MAMLD1: variants seen among roughly 807,000 people sequenced by gnomAD.
MAMLD1 encodes mastermind like domain containing 1, also known as mastermind-like domain-containing protein 1.
Under a neutral mutation model 45.0 loss-of-function variants are expected in MAMLD1, and 14 were observed. The observed-to-expected ratio is 0.31, with a 90% CI of 0.21 to 0.49. The LOEUF is 0.49. Ranked by LOEUF, MAMLD1 falls within the 20% of genes least tolerant of loss-of-function variation. The pLI, the probability that MAMLD1 is intolerant of heterozygous loss-of-function variation, is 0.99. For synonymous variants in MAMLD1, 254 were observed against 247.8 expected, an observed-to-expected ratio of 1.02 and a Z score of -0.24; for missense variants, 543 against 603.6, an observed-to-expected ratio of 0.90 and a Z score of 1.05.
chrX:150,427,617 A>T (rs1234199080), intron 1 of MAMLD1, among the ~76,000 whole-genome samples: 4 of 111,485 alleles, frequency 3.6e-5, no homozygotes, highest in African/African-American at 1.3e-4. Context: ...AGCTATTAGG[A>T]TGAGGGACAG....
At chrX:150,495,831 T>C (rs2037359057) in intron 5 of MAMLD1, among the ~76,000 whole-genome samples, 2 of 112,560 alleles carry the variant, frequency 1.8e-5, no homozygotes, top group Non-Finnish European at 3.8e-5. Flanking sequence ...GATTCTGCCG[T>C]ATAGACCACG....
intron 1 of MAMLD1, among the ~76,000 whole-genome samples, chrX:150,416,675 T>A (rs910147733): frequency 8.9e-6 from 1 of 112,580 alleles, no homozygotes; most frequent in African/African-American, 3.2e-5. Context: ...TGTTGCCAAC[T>A]CACAATAGAT....
At chrX:150,480,930 T>C (rs782045433) in intron 5 of MAMLD1, among the ~76,000 whole-genome samples, 5 of 112,573 alleles carry the variant, frequency 4.4e-5, no homozygotes, top group South Asian at 3.7e-4. Flanking sequence ...CGGCCAGCTT[T>C]TTCCCCTGTA....
chrX:150,423,386 T>TGTTTGTGTG (rs2034590514), intron 1 of MAMLD1, among the ~76,000 whole-genome samples: 1 of 96,886 alleles, frequency 1.0e-5, no homozygotes, highest in South Asian at 4.7e-4. Context: ...GTGTGTGTGT[T>TGTTTGTGTG]TGCACCTTTG....
intron 1 of MAMLD1, among the ~76,000 whole-genome samples, chrX:150,390,109 A>T (rs2033112851): frequency 9.0e-6 from 1 of 111,404 alleles, no homozygotes; most frequent in African/African-American, 3.3e-5. Context: ...CTGTGTTACC[A>T]GGCTGGAGTG....
chrX:150,430,019 C>CT (rs1174092962), intron 1 of MAMLD1, among the ~76,000 whole-genome samples: 14,330 of 48,628 alleles, frequency 0.29, 3,059 homozygotes, highest in East Asian at 0.55. Flanking sequence ...TCTTTCTTTT[C>CT]TTTTTTTTTT....
chrX:150,384,161 T>C (rs1175925054), intron 1 of MAMLD1, among the ~76,000 whole-genome samples: 2 of 112,152 alleles, frequency 1.8e-5, no homozygotes, highest in African/African-American at 6.5e-5. Context: ...ATATGGTAAC[T>C]CTATGTTTAG....
intron 1 of MAMLD1, among the ~76,000 whole-genome samples, chrX:150,365,262 C>A (rs1238785533): frequency 8.9e-6 from 1 of 112,200 alleles, no homozygotes; most frequent in African/African-American, 3.2e-5. Context: ...GACAGGAGGG[C>A]AAGTGTAGGC....
At chrX:150,461,666 A>C (rs1367184726) in intron 2 of MAMLD1, among the ~76,000 whole-genome samples, 1 of 111,627 alleles carries the variant, frequency 9.0e-6, no homozygotes, top group African/African-American at 3.3e-5. Context: ...CCCTTGCTGA[A>C]GTGCTGCATG....
At chrX:150,407,185 G>T (rs2034019861) in intron 1 of MAMLD1, among the ~76,000 whole-genome samples, 2 of 111,987 alleles carry the variant, frequency 1.8e-5, no homozygotes, top group African/African-American at 6.5e-5. Flanking sequence ...GATCAAAATA[G>T]TTATTAACAT....
intron 1 of MAMLD1, among the ~76,000 whole-genome samples, chrX:150,396,391 C>A (rs1318553389): frequency 9.1e-6 from 1 of 110,396 alleles, no homozygotes; most frequent in Non-Finnish European, 1.9e-5. Flanking sequence ...GTTGTGTTTT[C>A]ATTTTCTTCA....
rs1557409354 is a variant in MAMLD1 at position 150,513,561 on chromosome X, A to G, written c.*1602A>G. 1.7e-5 allele frequency: 5 copies of G among 297,073 alleles called. No individual in the cohort carries two copies. Among genetic ancestry groups the G allele is most frequent in the African/African-American group, 1.4e-4 (5 of 36,510 alleles). The allele number at this position is 297,073 out of a possible 1,213,427, so 24.5% of individuals were successfully genotyped here. On this transcript the variant is annotated 3_prime_UTR_variant, in exon 8 of 8. Transcript: ENST00000370401. ...CACTTGGCCATTTATTTCTATGTTC[A>G]CTAAAAATCCTATTGCCTTGTGTGA...
At position 150,513,727 on chromosome X, in the gene MAMLD1, C is replaced by T. The variant is rs902254909; in HGVS notation, c.*1768C>T. 4 of 295,403 alleles carry T rather than the reference C, an allele frequency of 1.4e-5. No homozygotes were observed. Among genetic ancestry groups the T allele is most frequent in the Admixed American group, 6.2e-5 (1 of 16,156 alleles). 24.3% of individuals were successfully genotyped at this position (295,403 alleles called of 1,213,427 possible). ...GAGAGTTCTCCAGATTTGGGAGAGG[C>T]GCAGAGACAGTGTGTGAGCCGAGCC... is the stretch of plus-strand genomic sequence containing the variant. On this transcript the variant is annotated 3_prime_UTR_variant, in exon 8 of 8. Transcript: ENST00000370401.
chrX:150,389,739 C>T (rs2033093794), intron 1 of MAMLD1, among the ~76,000 whole-genome samples: 1 of 112,036 alleles, frequency 8.9e-6, no homozygotes, highest in South Asian at 3.7e-4. Context: ...CTGAAGTACC[C>T]AGCTATAATT....
Position 150,512,045 on chromosome X carries a change from G to T in MAMLD1, c.*86G>T, listed in dbSNP as rs1016168572. 12 of 1,113,898 alleles carry T rather than the reference G, an allele frequency of 1.1e-5. No homozygotes were observed. The highest frequency in any genetic ancestry group is 1.0e-4 in the East Asian group (3 of 29,964). 91.8% of individuals were successfully genotyped at this position (1,113,898 alleles called of 1,213,427 possible). ...CACCTCCAAGTGTAGCCGGATCAAG[G>T]CAAGCCCCCCATCTAGCAAGCACTT... On this transcript the variant is annotated 3_prime_UTR_variant, in exon 8 of 8. Transcript: ENST00000370401.
chrX:150,403,960 G>GAAAGAAAGAAAGAA (rs2033910243), intron 1 of MAMLD1, among the ~76,000 whole-genome samples: 5 of 81,023 alleles, frequency 6.2e-5, no homozygotes, highest in African/African-American at 2.7e-4. Flanking sequence ...AAGAAAGAAA[G>GAAAGAAAGAAAGAA]AAAGAAAGAA....
chrX:150,375,777 C>T (rs1430381742), intron 1 of MAMLD1, among the ~76,000 whole-genome samples: 2 of 112,010 alleles, frequency 1.8e-5, no homozygotes, highest in African/African-American at 6.5e-5. Context: ...AGCATCTCAC[C>T]CTTAATTTCA....
At chrX:150,362,936 C>T (rs1012960823), upstream of MAMLD1, 4 of 113,176 alleles carry the variant, frequency 3.5e-5, no homozygotes, top group African/African-American at 1.3e-4. Context: ...CCCAGCTGCC[C>T]TGGTTCGAGC....
intron 1 of MAMLD1, among the ~76,000 whole-genome samples, chrX:150,371,110 C>T (rs782266739): frequency 9.0e-6 from 1 of 111,169 alleles, no homozygotes; most frequent in Middle Eastern, 4.2e-3. Flanking sequence ...CAGTCCTGCC[C>T]GGCTGCCCTC....
Sources: gnomAD v4.1 joint callset for allele counts (sites outside exome capture counted in the v4.1 genomes callset) on GRCh38, gnomAD v4.1.1 for gene constraint, MANE v1.5 for transcripts, NCBI Gene and HGNC (gene_info 2026-07-23, HGNC 2026-07-21) for gene names.